EIF4G3: variants seen among roughly 807,000 people sequenced by gnomAD.
EIF4G3 encodes the protein eukaryotic translation initiation factor 4 gamma 3.
Under a neutral mutation model 186.4 loss-of-function variants are expected in EIF4G3, and 34 were observed. The observed-to-expected ratio is 0.18, with a 90% CI of 0.14 to 0.24. EIF4G3 has a LOEUF of 0.24. Among genes scored for constraint, EIF4G3 ranks in the 10% least tolerant of loss-of-function variants. The pLI, the probability that EIF4G3 is intolerant of heterozygous loss-of-function variation, is 1.00. For missense variants in EIF4G3, 1,536 were observed against 1,948.5 expected (o/e 0.79, Z 3.99); for synonymous variants, 673 against 679.5 (o/e 0.99, Z 0.15).
intron 4 of EIF4G3, among the ~76,000 whole-genome samples, chr1:21,039,476 CA>C (rs2093433067): frequency 6.6e-6 from 1 of 152,114 alleles, no homozygotes; most frequent in Non-Finnish European, 1.5e-5. Flanking sequence ...GCACAGACAA[CA>C]AAAGATAAAT....
intron 12 of EIF4G3, among the ~76,000 whole-genome samples, chr1:20,951,757 G>GA (rs1330728938): frequency 3.3e-5 from 5 of 151,576 alleles, no homozygotes. Context: ...TAAAAAGGGG[G>GA]GGGCAGGGTA....
chr1:20,976,161 TTTTTA>T (rs1165637894), intron 10 of EIF4G3, among the ~76,000 whole-genome samples: 13 of 150,034 alleles, frequency 8.7e-5, no homozygotes, highest in Non-Finnish European at 1.3e-4. Context: ...TTGGTTTGTA[TTTTTA>T]TTTTATTTAT....
chr1:21,060,269 G>C (rs908165505), intron 3 of EIF4G3, among the ~76,000 whole-genome samples: 2 of 152,214 alleles, frequency 1.3e-5, no homozygotes, highest in Admixed American at 1.3e-4. Context: ...TCAAATCTAA[G>C]ATGGCTCTCA....
Position 20,985,405 on chromosome 1 carries a change from C to T in EIF4G3, c.178-2997G>A, listed in dbSNP as rs117551496. On this transcript the variant is annotated intron_variant, in intron 7 of 36. Coordinates refer to ENST00000602326, the MANE Select transcript of EIF4G3 (RefSeq NM_001391906.1). ...AACTTCACTGCATTAATACTTTTTA[C>T]AACAATAGTCTATCTGGAGCTTGTG... Among the ~76,000 whole-genome samples, 70 of 151,806 alleles carry T rather than the reference C, an allele frequency of 4.6e-4. No homozygotes were observed. In the East Asian group the frequency reaches 0.013, roughly 28 times the overall value.
chr1:21,018,124 T>C (rs2154570544), intron 4 of EIF4G3, among the ~76,000 whole-genome samples: 1 of 152,130 alleles, frequency 6.6e-6, no homozygotes, highest in East Asian at 1.9e-4. Flanking sequence ...AAAAAAATCT[T>C]TTATAGAGAC....
chr1:21,164,124 T>C (rs188728174), intron 2 of EIF4G3, among the ~76,000 whole-genome samples: 1 of 152,250 alleles, frequency 6.6e-6, no homozygotes, highest in East Asian at 1.9e-4. Flanking sequence ...CCTGGGAGTA[T>C]AACCTCATAT....
chr1:20,997,609 G>A lies in EIF4G3; in HGVS notation c.169C>T (p.His57Tyr). ...GGGCAAGGGTACAGTACCTGATGAT[G>A]GGGAGGTCGAGGCCCCGCTGCAAAC... ...CIFAAGPRPP[H>Y]HQGGFRPIQF... is the part of the protein sequence containing the mutation. Residue 57 changes from histidine to tyrosine, a missense_variant, in exon 7 of 37, where the codon CAT becomes TAT. His to Tyr is a moderately conservative substitution (Grantham distance 83, BLOSUM62 2). Coordinates refer to ENST00000602326, the MANE Select transcript of EIF4G3 (RefSeq NM_001391906.1). The A allele has an allele frequency of 6.5e-7, 1 of 1,548,182 alleles. No homozygotes were observed. Among genetic ancestry groups the A allele is most frequent in the Non-Finnish European group, 8.7e-7 (1 of 1,145,934 alleles).
intron 30 of EIF4G3, among the ~76,000 whole-genome samples, chr1:20,829,820 C>T (rs150547292): frequency 4.6e-5 from 7 of 152,224 alleles, no homozygotes; most frequent in Admixed American, 2.6e-4. Context: ...TTACATGTTA[C>T]GAACTGTTCT....
At chr1:20,834,842 G>A (rs978384079) in intron 30 of EIF4G3, among the ~76,000 whole-genome samples, 10 of 152,156 alleles carry the variant, frequency 6.6e-5, no homozygotes, top group Non-Finnish European at 1.2e-4. Flanking sequence ...CAGAAAATCA[G>A]TAAGGAAACA....
intron 26 of EIF4G3, 40 bp downstream of exon 26, chr1:20,854,938 C>T: frequency 6.4e-7 from 1 of 1,557,846 alleles, no homozygotes; most frequent in Non-Finnish European, 8.8e-7. Context: ...CAAATGCTAA[C>T]AAGCCACAGC....
At chr1:20,847,185 A>G (rs1484499741) in intron 29 of EIF4G3, among the ~76,000 whole-genome samples, 1 of 152,226 alleles carries the variant, frequency 6.6e-6, no homozygotes, top group African/African-American at 2.4e-5. Context: ...TGGGTATGAT[A>G]ATAACATCAA....
chr1:21,077,069 A>G (rs989340759), intron 3 of EIF4G3, among the ~76,000 whole-genome samples: 2 of 152,190 alleles, frequency 1.3e-5, no homozygotes, highest in Non-Finnish European at 2.9e-5. Flanking sequence ...GCCAAACTAT[A>G]TAAGAAACAC....
chr1:20,904,409 G>C (rs1489145886), intron 15 of EIF4G3, among the ~76,000 whole-genome samples: 1 of 152,148 alleles, frequency 6.6e-6, no homozygotes, highest in Non-Finnish European at 1.5e-5. Context: ...GCAGTGGCAT[G>C]ATCACATCTC....
At chr1:21,045,050 G>T (rs1020344006) in intron 4 of EIF4G3, among the ~76,000 whole-genome samples, 1 of 152,046 alleles carries the variant, frequency 6.6e-6, no homozygotes, top group African/African-American at 2.4e-5. Flanking sequence ...AGTCCAGGGG[G>T]TCAAGGCTGC....
At chr1:20,904,838 A>C in intron 15 of EIF4G3, 45 bp downstream of exon 15, 4 of 1,474,608 alleles carry the variant, frequency 2.7e-6, no homozygotes. Flanking sequence ...CCTGTCTATG[A>C]AATGGCACCA....
At chr1:21,170,272 C>T (rs2097932546) in intron 2 of EIF4G3, among the ~76,000 whole-genome samples, 1 of 152,140 alleles carries the variant, frequency 6.6e-6, no homozygotes, top group Non-Finnish European at 1.5e-5. Context: ...GCTAGCAATT[C>T]CACAGTGAAC....
At chr1:20,955,566 A>C (rs1392792504) in intron 12 of EIF4G3, among the ~76,000 whole-genome samples, 1 of 152,160 alleles carries the variant, frequency 6.6e-6, no homozygotes, top group Non-Finnish European at 1.5e-5. Flanking sequence ...TGACCACTGC[A>C]TGGAGAATGA....
At chr1:21,060,730 G>A (rs1357442075) in intron 3 of EIF4G3, among the ~76,000 whole-genome samples, 4 of 137,386 alleles carry the variant, frequency 2.9e-5, no homozygotes, top group Non-Finnish European at 4.6e-5. Flanking sequence ...TCATGCCTGT[G>A]AAAAGCCACT....
chr1:21,080,317 A>AT (rs1553212844), intron 3 of EIF4G3, among the ~76,000 whole-genome samples: 1 of 128,152 alleles, frequency 7.8e-6, no homozygotes, highest in Non-Finnish European at 1.8e-5. Flanking sequence ...CACTGTCTCA[A>AT]CAAAAAAAAA....
Sources: allele counts gnomAD v4.1 joint callset (sites outside exome capture counted in the v4.1 genomes callset), GRCh38; gene constraint gnomAD v4.1.1; transcripts MANE v1.5; gene names NCBI Gene and HGNC (gene_info 2026-07-23, HGNC 2026-07-21).